Variants in VWF observed in about 807,000 individuals in gnomAD.
VWF encodes the protein von Willebrand factor.
Under a neutral mutation model 308.6 loss-of-function variants are expected in VWF, and 176 were observed. The observed-to-expected ratio is 0.57, with a 90% CI of 0.50 to 0.65. The LOEUF is 0.65. Among genes scored for constraint, VWF ranks in the 30% least tolerant of loss-of-function variants. The pLI is 0.00. For synonymous variants in VWF, 1,385 were observed against 1,443.4 expected, an observed-to-expected ratio of 0.96 and a Z score of 0.92; for missense variants, 3,146 against 3,648.2, an observed-to-expected ratio of 0.86 and a Z score of 3.55.
intron 1 of VWF, 130 bp from the exon 2 acceptor site, chr12:6,123,326 C>A: frequency 9.2e-7 from 1 of 1,081,258 alleles, no homozygotes; most frequent in Non-Finnish European, 1.4e-6. Flanking sequence ...TCCTCGTGAC[C>A]CCCTTTTCCC....
chr12:6,026,705 G>T (rs1364435128), intron 22 of VWF, among the ~76,000 whole-genome samples: 2 of 152,196 alleles, frequency 1.3e-5, no homozygotes, highest in Non-Finnish European at 2.9e-5. Context: ...TAGCACCACA[G>T]GGTGACTATA....
intron 41 of VWF, 152 bp from the exon 42 acceptor site, chr12:5,982,143 T>A (rs1943613594): frequency 1.4e-6 from 1 of 699,294 alleles, no homozygotes; most frequent in Non-Finnish European, 2.4e-6. Context: ...TTATTCAATG[T>A]TACCAAAAGC....
rs1591864178 is a variant in VWF at position 6,020,771 on chromosome 12, G to A, written c.3675-1028C>T. 6.6e-6 allele frequency among the ~76,000 whole-genome samples: 1 copy of A among 152,210 alleles called. No individual in the cohort carries two copies. Among genetic ancestry groups the A allele is most frequent in the African/African-American group, 2.4e-5 (1 of 41,446 alleles). On this transcript the variant is annotated intron_variant, in intron 27 of 51. Coordinates refer to ENST00000261405, the MANE Select transcript of VWF (RefSeq NM_000552.5). This position sits in a 1 kb window ranked among gnomAD's most constrained non-coding sequence, Gnocchi z 4.3. ...CTGAGCCTGGGAAGTGTCCCCCTGC[G>A]GCTTGATACCAGGTGATGCCACCAG...
chr12:5,974,318 G>T (rs914361144), intron 43 of VWF, among the ~76,000 whole-genome samples: 15 of 152,166 alleles, frequency 9.9e-5, no homozygotes, highest in African/African-American at 3.6e-4. Flanking sequence ...CCCAGAAGAT[G>T]TGAACATTCA....
chr12:6,079,342 C>T (rs960182276), intron 6 of VWF, among the ~76,000 whole-genome samples: 3 of 152,176 alleles, frequency 2.0e-5, no homozygotes, highest in Admixed American at 6.5e-5. Context: ...CGCGGTGGCT[C>T]ACACCTGTAA....
intron 34 of VWF, among the ~76,000 whole-genome samples, chr12:5,998,282 A>G (rs1943828981): frequency 6.6e-6 from 1 of 151,160 alleles, no homozygotes; most frequent in African/African-American, 2.4e-5. Flanking sequence ...GCGGATCACA[A>G]GGTCAGGAGA....
At chr12:6,066,566 G>A (rs77371905) in intron 10 of VWF, among the ~76,000 whole-genome samples, 4,410 of 152,326 alleles carry the variant, frequency 0.029, 205 homozygotes, top group African/African-American at 0.098. Flanking sequence ...TCCAAACAGC[G>A]GAAGCTTGGC....
chr12:6,058,169 A>G lies in VWF; in HGVS notation c.1534-125T>C. 1 of 1,132,160 alleles carries G rather than the reference A, an allele frequency of 8.8e-7. No homozygotes were observed. The highest frequency in any genetic ancestry group is 2.6e-4 in the Middle Eastern group (1 of 3,810). The allele number at this position is 1,132,160 out of a possible 1,614,324, so 70.1% of individuals were successfully genotyped here. On this transcript the variant is annotated intron_variant, in intron 13 of 51. Transcript: ENST00000261405. The surrounding 1 kb of genome is among the most constrained non-coding windows in gnomAD (Gnocchi z 4.9). Reference sequence around the variant, plus strand: ...CGGGTGAAACATAAATATGAATGTAATAAAAGGCAGCTAAGCCCTAGGCTG... The same window carrying G: ...CGGGTGAAACATAAATATGAATGTAGTAAAAGGCAGCTAAGCCCTAGGCTG...
chr12:6,087,354 C>CTTTTTT (rs948166436), intron 6 of VWF, among the ~76,000 whole-genome samples: 1 of 118,766 alleles, frequency 8.4e-6, no homozygotes, highest in Non-Finnish European at 1.7e-5. Context: ...AGACTTAACT[C>CTTTTTT]TTTTTTTTTT....
At chr12:6,002,876 A>C (rs1943887137) in intron 34 of VWF, among the ~76,000 whole-genome samples, 1 of 130,678 alleles carries the variant, frequency 7.7e-6, no homozygotes, top group Non-Finnish European at 1.6e-5. Context: ...TTCCCCCACC[A>C]CAAAAAAAAA....
chr12:6,070,858 G>A (rs932577733), intron 10 of VWF, among the ~76,000 whole-genome samples: 2 of 152,174 alleles, frequency 1.3e-5, no homozygotes, highest in African/African-American at 2.4e-5. Context: ...CTTGGACCAC[G>A]CCATGGTCTT....
chr12:6,011,379 T>C (rs1027315079), intron 34 of VWF, among the ~76,000 whole-genome samples: 5 of 152,168 alleles, frequency 3.3e-5, no homozygotes, highest in Non-Finnish European at 5.9e-5. Flanking sequence ...CAGTTATGCA[T>C]AATCTGGGGA....
chr12:5,986,915 G>A (rs1943685982), intron 38 of VWF, among the ~76,000 whole-genome samples: 1 of 59,116 alleles, frequency 1.7e-5, no homozygotes, highest in Non-Finnish European at 4.3e-5. Context: ...TTATGTTTTG[G>A]TTTTTGTTTG....
chr12:6,009,472 TACC>T (rs763923922), intron 34 of VWF, among the ~76,000 whole-genome samples: 1 of 144,804 alleles, frequency 6.9e-6, no homozygotes, highest in Admixed American at 6.9e-5. Flanking sequence ...CACCAGGAAA[TACC>T]ACGTGTTAAC....
Position 6,123,110 on chromosome 12 carries a change from G to C in VWF, c.55+32C>G. On this transcript the variant is annotated intron_variant, in intron 2 of 51. Transcript: ENST00000261405. ...TGTCACTCCAGATGGCCCTGGGGCA[G>C]GAATGAGAAATGGAGGCCCTTTTGT... 3 of 1,613,958 alleles carry C rather than the reference G, an allele frequency of 1.9e-6. No individual in the cohort carries two copies. In the East Asian group the frequency reaches 6.7e-5, roughly 36 times the overall value.
At chr12:6,041,615 A>AT (rs1944397249) in intron 18 of VWF, among the ~76,000 whole-genome samples, 1 of 151,298 alleles carries the variant, frequency 6.6e-6, no homozygotes, top group Admixed American at 6.6e-5. Context: ...CGCCCAGCTA[A>AT]TTTTTTGTAT....
chr12:6,059,821 A>T (rs1944634028), intron 13 of VWF, among the ~76,000 whole-genome samples: 1 of 152,254 alleles, frequency 6.6e-6, no homozygotes, highest in East Asian at 1.9e-4. Context: ...TGAACAAATG[A>T]ATGAATAAGT....
chr12:6,108,124 T>A lies in VWF; in HGVS notation c.532+2250A>T, dbSNP rs539761011. Among the ~76,000 whole-genome samples the A allele has an allele frequency of 3.3e-5, 5 of 151,710 alleles. No individual in the cohort carries two copies. The East Asian group carries it at 9.8e-4, about 30-fold the overall frequency. On this transcript the variant is annotated intron_variant, in intron 5 of 51. Transcript: ENST00000261405. The stretch of plus-strand genomic sequence containing the variant: ...GCCTGGCCAACATGCTGAAACCTCA[T>A]CTCTACTAAAAATACAAAAATTAGC...
At chr12:6,055,975 G>A (rs887347685) in intron 15 of VWF, among the ~76,000 whole-genome samples, 2 of 151,586 alleles carry the variant, frequency 1.3e-5, no homozygotes, top group East Asian at 3.9e-4. Flanking sequence ...TATCCACTAT[G>A]CCTTATTCTT....
Sources: gnomAD v4.1 joint callset for allele counts (sites outside exome capture counted in the v4.1 genomes callset) on GRCh38, gnomAD v4.1.1 for gene constraint, Gnocchi (gnomAD v3.1) non-coding constraint, MANE v1.5 for transcripts, NCBI Gene and HGNC (gene_info 2026-07-23, HGNC 2026-07-21) for gene names.